Variants in SLC30A4 observed in about 807,000 individuals in gnomAD.
The protein encoded by SLC30A4 is probable proton-coupled zinc antiporter SLC30A4.
In SLC30A4, 20 loss-of-function variants were observed where a neutral mutation model predicts 41.7. The observed-to-expected ratio is 0.48, with a 90% CI of 0.34 to 0.70. SLC30A4 has a LOEUF of 0.70. SLC30A4 is among the 30% of genes least tolerant of loss of function. The pLI, the probability that SLC30A4 is intolerant of heterozygous loss-of-function variation, is 0.01. For synonymous variants in SLC30A4, 181 were observed against 195.9 expected, an observed-to-expected ratio of 0.92 and a Z score of 0.64; for missense variants, 441 against 529.3, an observed-to-expected ratio of 0.83 and a Z score of 1.64.
At chr15:45,486,151 T>C (rs1297810958) in intron 7 of SLC30A4, among the ~76,000 whole-genome samples, 1 of 151,756 alleles carries the variant, frequency 6.6e-6, no homozygotes. Flanking sequence ...GCCTCCCAAG[T>C]AGCTGGGATT....
intron 3 of SLC30A4, among the ~76,000 whole-genome samples, chr15:45,506,308 G>C (rs1892155854): frequency 1.3e-5 from 2 of 152,212 alleles, no homozygotes; most frequent in Middle Eastern, 3.4e-3. Context: ...ACCCATCCCT[G>C]TCCCACCCCA....
At chr15:45,502,869 A>C (rs544178311) in intron 3 of SLC30A4, 3 of 152,038 alleles carry the variant, frequency 2.0e-5, no homozygotes, top group Non-Finnish European at 4.4e-5. Flanking sequence ...TGGTATATGC[A>C]TGCAGTCCTA....
rs73414479 is a variant in SLC30A4 at position 45,489,919 on chromosome 15, A to G, written c.692+809T>C. On this transcript the variant is annotated intron_variant, in intron 4 of 7. Transcript: ENST00000261867. ...GTTTTATTGGAACACAGCCATGTTCATTTGTTTACATGCTAAGTGTGGCTG... is the reference window on the plus strand; with the variant it reads ...GTTTTATTGGAACACAGCCATGTTCGTTTGTTTACATGCTAAGTGTGGCTG... Among the ~76,000 whole-genome samples the G allele has an allele frequency of 7.1e-3, 1,075 of 151,968 alleles. 15 individuals carry two copies. Among genetic ancestry groups the G allele is most frequent in the African/African-American group, 0.025 (1,031 of 41,458 alleles).
At chr15:45,501,674 A>T (rs1295053683) in intron 3 of SLC30A4, among the ~76,000 whole-genome samples, 1 of 151,938 alleles carries the variant, frequency 6.6e-6, no homozygotes. Context: ...CTAATTTTTT[A>T]AAAAGTTTTT....
intron 3 of SLC30A4, among the ~76,000 whole-genome samples, chr15:45,508,277 T>C (rs1387438234): frequency 6.6e-6 from 1 of 152,200 alleles, no homozygotes; most frequent in Non-Finnish European, 1.5e-5. Context: ...CACTAATTCT[T>C]AGTTTTCCCT....
At chr15:45,521,916 G>C (rs777504568) in intron 2 of SLC30A4, 48 bp downstream of exon 2, 1 of 1,566,922 alleles carries the variant, frequency 6.4e-7, no homozygotes, top group African/African-American at 1.4e-5. Flanking sequence ...GCTTGACAAA[G>C]ACTCTCGAGG....
At position 45,481,895 on chromosome 15, in the gene SLC30A4, C is replaced by CT. The variant is rs891078265; in HGVS notation, c.*3267dup. The CT allele has an allele frequency of 2.0e-5, 3 of 151,868 alleles. No individual in the cohort carries two copies. The highest frequency in any genetic ancestry group is 4.2e-4 in the South Asian group (2 of 4,816). The allele number at this position is 151,868 out of a possible 1,614,324, so 9.4% of individuals were successfully genotyped here. On this transcript the variant is annotated 3_prime_UTR_variant, in exon 8 of 8. Transcript: ENST00000261867. ...CACAGGAAACTTTATGTGTACCTCA[C>CT]TTTAAGCAGAACACGATAGTTAAGA...
rs1891588136 is a variant in SLC30A4 at position 45,480,594 on chromosome 15, ATCT to A, written c.*4566_*4568del. ...AAGACAAAATGAACCAAATGAACTAATCTTCTATCTAGGAAACACTCTGTAACT... is the reference window on the plus strand; with the variant it reads ...AAGACAAAATGAACCAAATGAACTAATCTATCTAGGAAACACTCTGTAACT... On this transcript the variant is annotated 3_prime_UTR_variant, in exon 8 of 8. Transcript: ENST00000261867. The A allele has an allele frequency of 6.6e-6, 1 of 152,224 alleles. No homozygotes were observed. The highest frequency in any genetic ancestry group is 1.5e-5 in the Non-Finnish European group (1 of 68,042). The allele number at this position is 152,224 out of a possible 1,614,324, so 9.4% of individuals were successfully genotyped here. A position where few individuals can be genotyped will look rare whatever the true frequency, so the allele number is the denominator to read the frequency against.
intron 2 of SLC30A4, among the ~76,000 whole-genome samples, chr15:45,512,996 T>TAA (rs768254504): frequency 0.013 from 1,791 of 139,340 alleles, 13 homozygotes; most frequent in Non-Finnish European, 0.018. Flanking sequence ...AGACATTGAC[T>TAA]AAAAAAAAAA....
chr15:45,495,307 A>C (rs1476204498), intron 3 of SLC30A4, among the ~76,000 whole-genome samples: 1 of 152,072 alleles, frequency 6.6e-6, no homozygotes, highest in Non-Finnish European at 1.5e-5. Flanking sequence ...ATACTTTCCA[A>C]TTTTTCTGGG....
chr15:45,511,405 A>G (rs1447237797), intron 2 of SLC30A4, 121 bp from the exon 3 acceptor site: 2 of 612,804 alleles, frequency 3.3e-6, no homozygotes, highest in African/African-American at 1.9e-5. Flanking sequence ...TTATCCCATT[A>G]CAATTAAATC....
Position 45,521,872 on chromosome 15 carries a change from A to G in SLC30A4, c.391+92T>C, listed in dbSNP as rs778178346. 2.3e-6 allele frequency: 3 copies of G among 1,317,734 alleles called. No homozygotes were observed. The Admixed American group carries it at 6.7e-5, about 29-fold the overall frequency. The allele number at this position is 1,317,734 out of a possible 1,614,324, so 81.6% of individuals were successfully genotyped here. A position where few individuals can be genotyped will look rare whatever the true frequency, so the allele number is the denominator to read the frequency against. On this transcript the variant is annotated intron_variant, in intron 2 of 7. Transcript: ENST00000261867. ...CTTGATAAATACAAACTTCCTGAAAAGATGGGTTAAACCTCAAAGCCTGTG... is the reference window on the plus strand; with the variant it reads ...CTTGATAAATACAAACTTCCTGAAAGGATGGGTTAAACCTCAAAGCCTGTG...
chr15:45,513,114 A>G (rs1401074350), intron 2 of SLC30A4, among the ~76,000 whole-genome samples: 1 of 152,202 alleles, frequency 6.6e-6, no homozygotes, highest in Non-Finnish European at 1.5e-5. Flanking sequence ...AGACTGGGCA[A>G]CATGGTGAAA....
At chr15:45,520,555 G>A (rs762512043) in intron 2 of SLC30A4, among the ~76,000 whole-genome samples, 7 of 152,176 alleles carry the variant, frequency 4.6e-5, no homozygotes, top group Non-Finnish European at 8.8e-5. Flanking sequence ...GATTAAAGGC[G>A]TGAGCCACTG....
chr15:45,503,651 A>C (rs577653693), intron 3 of SLC30A4, among the ~76,000 whole-genome samples: 14 of 151,864 alleles, frequency 9.2e-5, no homozygotes, highest in South Asian at 2.1e-4. Context: ...ACAAAAAAAA[A>C]CAAACAGGCT....
chr15:45,517,153 TA>T (rs536051844), intron 2 of SLC30A4, among the ~76,000 whole-genome samples: 49 of 147,192 alleles, frequency 3.3e-4, no homozygotes, highest in Admixed American at 4.8e-4. Context: ...CTCTCTTTTT[TA>T]AAAAAAAAAA....
chr15:45,505,752 T>C (rs1394019113), intron 3 of SLC30A4, among the ~76,000 whole-genome samples: 1 of 152,130 alleles, frequency 6.6e-6, no homozygotes, highest in Admixed American at 6.5e-5. Context: ...TATATATGTA[T>C]TTGCTTATGT....
At position 45,485,302 on chromosome 15, in the gene SLC30A4, G is replaced by C; in HGVS notation, c.1151C>G (p.Ser384Cys). 2.5e-6 allele frequency: 4 copies of C among 1,607,714 alleles called. No homozygotes were observed. In the South Asian group the frequency reaches 3.3e-5, roughly 13 times the overall value. The change falls in exon 8 of 8, where the codon TCT becomes TGT. Residue 384 changes from serine to cysteine, a missense_variant. Ser to Cys is a moderately radical substitution (Grantham distance 112). Around this residue, in one of 3 missense-constraint regions of SLC30A4, gnomAD observed 100 missense variants for 121.0 expected, o/e 0.83. Coordinates refer to ENST00000261867, the MANE Select transcript of SLC30A4 (RefSeq NM_013309.6). ...VHIQLIPGSS[S>C]KWEEVQSKAN... ...TTTGGACTGTACTTCCTCCCATTTA[G>C]ATGAACTTCCAGGAACTGCAATGTC...
chr15:45,492,510 G>A (rs951920524), intron 3 of SLC30A4, among the ~76,000 whole-genome samples: 2 of 151,970 alleles, frequency 1.3e-5, no homozygotes, highest in African/African-American at 4.8e-5. Flanking sequence ...TTTTCTTAAG[G>A]CATGCAAATA....
Sources: gnomAD v4.1 joint callset for allele counts (sites outside exome capture counted in the v4.1 genomes callset) on GRCh38, gnomAD v4.1.1 for gene constraint, gnomAD v4.1.1 regional missense constraint, MANE v1.5 for transcripts, NCBI Gene and HGNC (gene_info 2026-07-23, HGNC 2026-07-21) for gene names.